Variants in KLHL13 observed in about 807,000 individuals in gnomAD.
The protein encoded by KLHL13 is kelch-like protein 13.
In KLHL13, 10 loss-of-function variants were observed where a neutral mutation model predicts 37.1. That is an observed-to-expected ratio of 0.27 (90% CI 0.17 to 0.46). The LOEUF (loss-of-function observed/expected upper bound fraction) is 0.46, where lower values mean the gene tolerates loss of function less well. Among genes scored for constraint, KLHL13 ranks in the 20% least tolerant of loss-of-function variants. The probability of loss-of-function intolerance (pLI) is 1.00; values close to 1 mark genes in which losing one functional copy is unlikely to be tolerated. For missense variants in KLHL13, 360 were observed against 509.3 expected, an observed-to-expected ratio of 0.71 and a Z score of 2.82; for synonymous variants, 163 against 181.2, an observed-to-expected ratio of 0.90 and a Z score of 0.81.
chrX:118,073,031 C>G (rs1221176770), intron 1 of KLHL13, among the ~76,000 whole-genome samples: 1 of 108,336 alleles, frequency 9.2e-6, no homozygotes, highest in Non-Finnish European at 1.9e-5. Flanking sequence ...GAGGTCAAGG[C>G]TTCAGCGAAC....
In KLHL13 at chrX:118,093,196, G is replaced by A. The variant is rs774265140; in HGVS notation, c.-56+23312C>T. The stretch of plus-strand genomic sequence containing the variant: ...TTTATGTATTTCTTCTTGTATAAAC[G>A]TCTTAAATAAAATGGCTAGAAAGAT... On this transcript the variant is annotated intron_variant, in intron 1 of 6. Transcript: ENST00000371882. Among the ~76,000 whole-genome samples the A allele has an allele frequency of 1.2e-4, 13 of 111,407 alleles. No homozygotes were observed. In the South Asian group the frequency reaches 1.9e-3, roughly 16 times the overall value.
intron 1 of KLHL13, among the ~76,000 whole-genome samples, chrX:118,066,981 A>C (rs1187165621): frequency 1.8e-5 from 2 of 111,906 alleles, no homozygotes; most frequent in Non-Finnish European, 3.8e-5. Context: ...ATAGTTTCTC[A>C]TTGTAAGTAC....
intron 1 of KLHL13, among the ~76,000 whole-genome samples, chrX:117,960,931 G>T (rs187194835): frequency 3.0e-4 from 34 of 111,712 alleles, no homozygotes; most frequent in African/African-American, 1.1e-3. Context: ...TTATTCAAAA[G>T]GTAGCACTAT....
At chrX:118,089,620 G>GGA (rs2055099939) in intron 1 of KLHL13, among the ~76,000 whole-genome samples, 1 of 71,907 alleles carries the variant, frequency 1.4e-5, no homozygotes, top group African/African-American at 5.8e-5. Flanking sequence ...GAGAAAGAAA[G>GGA]AGAAAGAAAG....
At chrX:118,099,667 A>T (rs181549298) in intron 1 of KLHL13, among the ~76,000 whole-genome samples, 3 of 110,536 alleles carry the variant, frequency 2.7e-5, no homozygotes, top group African/African-American at 9.9e-5. Flanking sequence ...TTTTAAAAAA[A>T]ATTAGCTGGG....
chrX:118,086,461 T>TA lies in KLHL13; in HGVS notation c.-56+30046dup, dbSNP rs752365550. ...TGGCAGCACAACTTTGTGAACATAC[T>TA]AAAAAAAAACACTGATTTGAATACT... On this transcript the variant is annotated intron_variant, in intron 1 of 6. Transcript: ENST00000371882. Among the ~76,000 whole-genome samples the TA allele has an allele frequency of 9.1e-5, 10 of 109,963 alleles. No individual in the cohort carries two copies. The East Asian group carries it at 1.1e-3, about 12-fold the overall frequency.
chrX:117,939,122 G>T lies in KLHL13; in HGVS notation c.240+6312C>A, dbSNP rs376815954. Reference sequence around the variant, plus strand: ...CACCCCCTGAAAGGCCCTGGTGTGTGACGTTCTCCTCCCTGTGTCCACGTG... The same window carrying T: ...CACCCCCTGAAAGGCCCTGGTGTGTTACGTTCTCCTCCCTGTGTCCACGTG... On this transcript the variant is annotated intron_variant, in intron 2 of 6. Transcript: ENST00000262820. 7.3e-5 allele frequency among the ~76,000 whole-genome samples: 8 copies of T among 109,826 alleles called. No individual in the cohort carries two copies. In the East Asian group the frequency reaches 1.4e-3, roughly 20 times the overall value.
At position 118,071,231 on chromosome X, in the gene KLHL13, C is replaced by G. The variant is rs778606120; in HGVS notation, c.-56+45277G>C. Among the ~76,000 whole-genome samples the G allele has an allele frequency of 3.4e-3, 375 of 111,549 alleles. 1 individual carries two copies. The highest frequency in any genetic ancestry group is 6.4e-3 in the Admixed American group (67 of 10,497). On this transcript the variant is annotated intron_variant, in intron 1 of 6. Coordinates refer to the KLHL13 transcript ENST00000371882. ...GCAATAAACATACGTGTGCATGTGT[C>G]TTTATAGCGGCATGATTTATAGTCC...
intron 1 of KLHL13, among the ~76,000 whole-genome samples, chrX:118,093,020 G>C (rs1602717291): frequency 9.0e-6 from 1 of 111,361 alleles, no homozygotes; most frequent in East Asian, 2.8e-4. Context: ...ATCAGTTAAA[G>C]GCAAAGTCAT....
intron 1 of KLHL13, among the ~76,000 whole-genome samples, chrX:117,965,855 C>T (rs1255217531): frequency 9.0e-6 from 1 of 111,573 alleles, no homozygotes; most frequent in Non-Finnish European, 1.9e-5. Context: ...AATTCAACAA[C>T]CCTTCATGCT....
intron 1 of KLHL13, among the ~76,000 whole-genome samples, chrX:118,056,830 C>A (rs1347429112): frequency 8.9e-6 from 1 of 111,830 alleles, no homozygotes; most frequent in African/African-American, 3.2e-5. Context: ...GGAGCCAATA[C>A]CCACTTCCTC....
At chrX:118,112,402 A>ATC (rs1486014516) in intron 1 of KLHL13, among the ~76,000 whole-genome samples, 1 of 111,466 alleles carries the variant, frequency 9.0e-6, no homozygotes, top group Non-Finnish European at 1.9e-5. Context: ...CAACAGGGCA[A>ATC]GTGTGTGACT....
intron 1 of KLHL13, among the ~76,000 whole-genome samples, chrX:118,043,107 C>T (rs5956863): frequency 0.054 from 5,934 of 110,854 alleles, 393 homozygotes; most frequent in African/African-American, 0.18. Flanking sequence ...CTACTATGAG[C>T]AAATACATGA....
chrX:118,033,419 G>C (rs773547683), intron 1 of KLHL13, among the ~76,000 whole-genome samples: 1 of 111,579 alleles, frequency 9.0e-6, no homozygotes. Context: ...CAAGCCAGGA[G>C]AGTGGGGGCC....
chrX:117,979,450 T>C (rs2053634768), intron 1 of KLHL13, among the ~76,000 whole-genome samples: 1 of 111,591 alleles, frequency 9.0e-6, no homozygotes, highest in East Asian at 2.8e-4. Context: ...CAAATTCCTA[T>C]GTGTCCTTCA....
chrX:117,957,303 A>G (rs1416956334), intron 1 of KLHL13, among the ~76,000 whole-genome samples: 3 of 111,973 alleles, frequency 2.7e-5, no homozygotes, highest in Non-Finnish European at 5.6e-5. Context: ...CCCTTGCTCA[A>G]AGGTATTCAG....
chrX:118,110,371 C>CTT (rs1479012364), intron 1 of KLHL13, among the ~76,000 whole-genome samples: 18 of 98,291 alleles, frequency 1.8e-4, no homozygotes, highest in African/African-American at 6.6e-4. Context: ...TTTTCTATTT[C>CTT]TTTTTCTTTT....
exon 7 of KLHL13, chrX:117,899,290 C>G: frequency 8.3e-7 from 1 of 1,211,348 alleles, no homozygotes; most frequent in Non-Finnish European, 1.1e-6. Flanking sequence ...TGTACACATG[C>G]AATGCAGACC....
intron 1 of KLHL13, among the ~76,000 whole-genome samples, chrX:118,004,244 A>G (rs1182228073): frequency 8.9e-6 from 1 of 112,131 alleles, no homozygotes; most frequent in East Asian, 2.8e-4. Flanking sequence ...ATATAAACAT[A>G]TATGTATAAA....
Sources: allele counts gnomAD v4.1 joint callset (sites outside exome capture counted in the v4.1 genomes callset), GRCh38; gene constraint gnomAD v4.1.1; transcripts MANE v1.5; gene names NCBI Gene and HGNC (gene_info 2026-07-23, HGNC 2026-07-21).